Variants in JAKMIP1 observed in about 807,000 individuals in gnomAD.
JAKMIP1 encodes janus kinase and microtubule-interacting protein 1.
Under a neutral mutation model 113.0 loss-of-function variants are expected in JAKMIP1, and 33 were observed. The observed-to-expected ratio is 0.29, with a 90% CI of 0.22 to 0.39. JAKMIP1 has a LOEUF of 0.39. Among genes scored for constraint, JAKMIP1 ranks in the 10% least tolerant of loss-of-function variants. JAKMIP1 has a pLI of 1.00. For missense variants in JAKMIP1, 813 were observed against 1,080.5 expected (o/e 0.75, Z 3.47); for synonymous variants, 480 against 459.9 (o/e 1.04, Z -0.56).
At position 6,088,635 on chromosome 4, in the gene JAKMIP1, C is replaced by T. The variant is rs1264405729; in HGVS notation, c.625-3006G>A. On this transcript the variant is annotated intron_variant, in intron 3 of 20. Coordinates refer to ENST00000409021, the MANE Select transcript of JAKMIP1 (RefSeq NM_001099433.2). The surrounding 1 kb of genome is among the most constrained non-coding windows in gnomAD (Gnocchi z 5.5). ...CGGAGGGCCAATGCAGAACACATTC[C>T]GGAGCCAGCATGAGAGTCCTGAGGC... Among the ~76,000 whole-genome samples, 1 of 152,156 alleles carries T rather than the reference C, an allele frequency of 6.6e-6. No individual in the cohort carries two copies. Among genetic ancestry groups the T allele is most frequent in the Non-Finnish European group, 1.5e-5 (1 of 68,024 alleles).
chr4:6,143,553 C>G lies in JAKMIP1; in HGVS notation c.-147-30556G>C, dbSNP rs1051403119. ...GGCCTCTTTCAGTTATGCCTCCAGC[C>G]CCTGGATAATATTTTTAAACTTTTC... On this transcript the variant is annotated intron_variant, in intron 1 of 20. Transcript: ENST00000409021. This position sits in a 1 kb window ranked among gnomAD's most constrained non-coding sequence, Gnocchi z 4.9. 1.3e-5 allele frequency among the ~76,000 whole-genome samples: 2 copies of G among 152,202 alleles called. No individual in the cohort carries two copies. Among genetic ancestry groups the G allele is most frequent in the Non-Finnish European group, 2.9e-5 (2 of 68,048 alleles).
At chr4:6,055,663 TC>T (rs1263990695) in intron 12 of JAKMIP1, among the ~76,000 whole-genome samples, 2 of 152,272 alleles carry the variant, frequency 1.3e-5, no homozygotes, top group East Asian at 1.9e-4. Context: ...AGGCCAGCCC[TC>T]CCCATTTCTT....
chr4:6,037,407 G>A (rs1560630310), intron 18 of JAKMIP1, among the ~76,000 whole-genome samples: 1 of 108,138 alleles, frequency 9.2e-6, no homozygotes, highest in Non-Finnish European at 1.7e-5. Flanking sequence ...CCGAGGCAGA[G>A]GTTAACCCAG....
intron 1 of JAKMIP1, among the ~76,000 whole-genome samples, chr4:6,173,709 G>A (rs956548892): frequency 7.2e-5 from 11 of 152,188 alleles, no homozygotes; most frequent in African/African-American, 2.7e-4. Flanking sequence ...CCATTTGACA[G>A]TAAGCTGCAG....
chr4:6,082,149 A>G (rs1396184673), intron 5 of JAKMIP1, among the ~76,000 whole-genome samples: 1 of 152,058 alleles, frequency 6.6e-6, no homozygotes, highest in Non-Finnish European at 1.5e-5. Context: ...GCCCAAAGAG[A>G]GGAGGCAATG....
chr4:6,126,300 TACAG>T (rs1050414743), intron 1 of JAKMIP1, among the ~76,000 whole-genome samples: 2 of 69,654 alleles, frequency 2.9e-5, no homozygotes, highest in African/African-American at 1.2e-4. Flanking sequence ...ACACACACCA[TACAG>T]AAACACACAC....
intron 8 of JAKMIP1, among the ~76,000 whole-genome samples, chr4:6,068,008 G>T (rs1209400250): frequency 1.3e-5 from 2 of 152,208 alleles, no homozygotes; most frequent in African/African-American, 4.8e-5. Context: ...CAAACATTTA[G>T]AACACACTGC....
At chr4:6,034,541 CTTATAATCACAGCACTT>C (rs1207021610) in intron 19 of JAKMIP1, among the ~76,000 whole-genome samples, 1 of 152,220 alleles carries the variant, frequency 6.6e-6, no homozygotes, top group African/African-American at 2.4e-5. Context: ...GTGGCTCACT[CTTATAATCACAGCACTT>C]TGGGAGGCCT....
At chr4:6,149,064 C>T (rs1721232755) in intron 1 of JAKMIP1, among the ~76,000 whole-genome samples, 1 of 152,092 alleles carries the variant, frequency 6.6e-6, no homozygotes, top group Admixed American at 6.5e-5. Context: ...CAAGAACACA[C>T]CCCCAGGAAA....
intron 1 of JAKMIP1, among the ~76,000 whole-genome samples, chr4:6,164,365 T>A (rs1268163065): frequency 6.6e-6 from 1 of 152,150 alleles, no homozygotes; most frequent in Admixed American, 6.5e-5. Context: ...TTAAACCCAC[T>A]GTTGAGACCT....
rs985147914 is a variant in JAKMIP1 at position 6,051,327 on chromosome 4, A to G, written c.1807-648T>C. Reference sequence around the variant, plus strand: ...AACCTCCACCTCCCGGGTTCAAGTGATTCTCCTGCCTCAGCCTCCCAAGTA... The same window carrying G: ...AACCTCCACCTCCCGGGTTCAAGTGGTTCTCCTGCCTCAGCCTCCCAAGTA... On this transcript the variant is annotated intron_variant, in intron 13 of 20. Transcript: ENST00000409021. The surrounding 1 kb of genome is among the most constrained non-coding windows in gnomAD (Gnocchi z 5.0). Among the ~76,000 whole-genome samples, 1 of 150,934 alleles carries G rather than the reference A, an allele frequency of 6.6e-6. No homozygotes were observed. Among genetic ancestry groups the G allele is most frequent in the Non-Finnish European group, 1.5e-5 (1 of 67,926 alleles).
At chr4:6,028,007 C>A (rs1489743994) in intron 20 of JAKMIP1, among the ~76,000 whole-genome samples, 1 of 152,208 alleles carries the variant, frequency 6.6e-6, no homozygotes, top group East Asian at 1.9e-4. Flanking sequence ...TATCCCCAAC[C>A]TCATTTTATC....
At chr4:6,066,475 C>T (rs1007565016) in intron 8 of JAKMIP1, among the ~76,000 whole-genome samples, 6 of 152,110 alleles carry the variant, frequency 3.9e-5, no homozygotes, top group African/African-American at 7.2e-5. Context: ...ATGGGGAATA[C>T]GACTCTCCCC....
chr4:6,116,080 G>A lies in JAKMIP1; in HGVS notation c.-147-3083C>T, dbSNP rs932523088. Among the ~76,000 whole-genome samples the A allele has an allele frequency of 1.3e-5, 2 of 152,168 alleles. No individual in the cohort carries two copies. Among genetic ancestry groups the A allele is most frequent in the African/African-American group, 4.8e-5 (2 of 41,444 alleles). On this transcript the variant is annotated intron_variant, in intron 1 of 20. Transcript: ENST00000409021. This position sits in a 1 kb window ranked among gnomAD's most constrained non-coding sequence, Gnocchi z 5.1. The stretch of plus-strand genomic sequence containing the variant: ...CCAGACACTGCCAGGCTGGGCCACA[G>A]TGAGTGTGGAGACGAATGGAGTGCA...
In JAKMIP1 at chr4:6,157,001, A is replaced by C. The variant is rs1037413350; in HGVS notation, c.-148+43252T>G. 2.0e-5 allele frequency among the ~76,000 whole-genome samples: 3 copies of C among 152,182 alleles called. No homozygotes were observed. Among genetic ancestry groups the C allele is most frequent in the African/African-American group, 7.2e-5 (3 of 41,434 alleles). Reference sequence around the variant, plus strand: ...ACCAGTGTAAAGAGGGGGGACCTTTAAGGGGTGATTGGGTCATGAGGGCTC... The same window carrying C: ...ACCAGTGTAAAGAGGGGGGACCTTTCAGGGGTGATTGGGTCATGAGGGCTC... On this transcript the variant is annotated intron_variant, in intron 1 of 20. Transcript: ENST00000409021. This position sits in a 1 kb window ranked among gnomAD's most constrained non-coding sequence, Gnocchi z 4.7.
chr4:6,054,960 G>T (rs546384587), intron 12 of JAKMIP1, among the ~76,000 whole-genome samples: 9 of 152,308 alleles, frequency 5.9e-5, no homozygotes, highest in South Asian at 2.1e-4. Flanking sequence ...TGGATTTAGT[G>T]AACAAGACAC....
chr4:6,124,518 C>A (rs1717145259), intron 1 of JAKMIP1, among the ~76,000 whole-genome samples: 1 of 152,240 alleles, frequency 6.6e-6, no homozygotes, highest in South Asian at 2.1e-4. Flanking sequence ...CCAGCCCTCA[C>A]CCTTGCCTGT....
Position 6,200,265 on chromosome 4 carries a change from C to A in JAKMIP1, c.-160G>T. 6.6e-6 allele frequency: 1 copy of A among 152,230 alleles called. No individual in the cohort carries two copies. The highest frequency in any genetic ancestry group is 1.9e-4 in the South Asian group (1 of 5,166). 9.4% of individuals were successfully genotyped at this position (152,230 alleles called of 1,614,324 possible). On this transcript the variant is annotated 5_prime_UTR_variant, in exon 1 of 21. The change creates a premature stop within an existing upstream ORF in the 5' untranslated region. Coordinates refer to ENST00000409021, the MANE Select transcript of JAKMIP1 (RefSeq NM_001099433.2). The surrounding 1 kb of genome is among the most constrained non-coding windows in gnomAD (Gnocchi z 7.0). ...CACCTGTACCCACCTGCTCGGCGCT[C>A]AGGCCCGAGCCGGGCAGCAGCAGCG...
chr4:6,105,708 G>A lies in JAKMIP1; in HGVS notation c.389C>T (p.Thr130Met), dbSNP rs1713815385. The change falls in exon 3 of 21, where the codon ACG becomes ATG. Residue 130 changes from threonine (T) to methionine (M), a missense_variant. Thr to Met is a moderately conservative substitution (Grantham distance 81, BLOSUM62 -1). Around this residue, in one of 2 missense-constraint regions of JAKMIP1, gnomAD observed 540 missense variants for 653.9 expected, o/e 0.83. Transcript: ENST00000409021. ...CTCGCGCGCCTCGGTCAGCAGCGCC[G>A]TCTTGACCTTGTCGGCCGCGCCGTC... ...LRDGAADKVK[T>M]ALLTEAREEA... is the part of the protein sequence containing the mutation. 4 of 1,602,442 alleles carry A rather than the reference G, an allele frequency of 2.5e-6. No homozygotes were observed. Among genetic ancestry groups the A allele is most frequent in the African/African-American group, 2.7e-5 (2 of 74,804 alleles).
Sources: gnomAD v4.1 joint callset for allele counts (sites outside exome capture counted in the v4.1 genomes callset) on GRCh38, gnomAD v4.1.1 for gene constraint, gnomAD v4.1.1 regional missense constraint, Gnocchi (gnomAD v3.1) non-coding constraint, MANE v1.5 for transcripts, NCBI Gene and HGNC (gene_info 2026-07-23, HGNC 2026-07-21) for gene names.